TEAD1: variants seen among roughly 807,000 people sequenced by gnomAD.
TEAD1 encodes transcriptional enhancer factor TEF-1.
A neutral mutation model predicts 54.9 loss-of-function variants in TEAD1; 9 were observed. The observed-to-expected ratio is 0.16, with a 90% CI of 0.10 to 0.29. TEAD1 has a LOEUF of 0.29. Ranked by LOEUF, TEAD1 falls within the 10% of genes least tolerant of loss-of-function variation. The pLI is 1.00. For missense variants in TEAD1, 387 were observed against 535.9 expected (o/e 0.72, Z 2.74); for synonymous variants, 200 against 187.8 (o/e 1.07, Z -0.53).
chr11:12,936,695 G>A (rs563523387), intron 12 of TEAD1, among the ~76,000 whole-genome samples: 5 of 152,272 alleles, frequency 3.3e-5, no homozygotes, highest in Middle Eastern at 3.4e-3. Context: ...ATTCTTTTAG[G>A]TAGGGACTGG....
intron 3 of TEAD1, among the ~76,000 whole-genome samples, chr11:12,833,077 ATAGT>A (rs1564956525): frequency 3.9e-5 from 6 of 152,252 alleles, no homozygotes; most frequent in South Asian, 2.1e-4. Flanking sequence ...ATCTGATGAC[ATAGT>A]TAGTTCTTGT....
intron 9 of TEAD1, among the ~76,000 whole-genome samples, chr11:12,885,472 T>C (rs759267418): frequency 3.9e-5 from 6 of 151,932 alleles, no homozygotes; most frequent in Non-Finnish European, 8.8e-5. Context: ...CTCCTGACCT[T>C]GTGATCTGCC....
At chr11:12,679,091 A>G (rs1943160797) in intron 2 of TEAD1, among the ~76,000 whole-genome samples, 1 of 151,714 alleles carries the variant, frequency 6.6e-6, no homozygotes, top group Non-Finnish European at 1.5e-5. Context: ...TAACTGTGAA[A>G]CTCACTCGTT....
At chr11:12,814,435 C>G (rs1246364099) in intron 3 of TEAD1, among the ~76,000 whole-genome samples, 2 of 152,104 alleles carry the variant, frequency 1.3e-5, no homozygotes, top group Admixed American at 6.5e-5. Flanking sequence ...CCCCTCAGGC[C>G]CCCGCTGGCC....
chr11:12,777,180 G>T (rs1029651831), intron 3 of TEAD1, among the ~76,000 whole-genome samples: 1 of 152,042 alleles, frequency 6.6e-6, no homozygotes, highest in African/African-American at 2.4e-5. Context: ...GTGTGATAGC[G>T]AAACCTGCTG....
intron 3 of TEAD1, among the ~76,000 whole-genome samples, chr11:12,764,889 T>G (rs1261004715): frequency 6.7e-6 from 1 of 149,576 alleles, no homozygotes; most frequent in African/African-American, 2.5e-5. Context: ...GCATTCTAGA[T>G]GCTTATATGA....
chr11:12,819,483 T>G (rs933427293), intron 3 of TEAD1, among the ~76,000 whole-genome samples: 1 of 152,160 alleles, frequency 6.6e-6, no homozygotes, highest in Non-Finnish European at 1.5e-5. Context: ...GGAGTCTCGC[T>G]CTGTCACCCA....
intron 2 of TEAD1, among the ~76,000 whole-genome samples, chr11:12,697,627 T>C (rs993655854): frequency 6.6e-6 from 1 of 152,226 alleles, no homozygotes; most frequent in South Asian, 2.1e-4. Flanking sequence ...TTACTTGTTT[T>C]GTTGGTGAAG....
chr11:12,727,709 TGAATTACA>T (rs1944341785), intron 2 of TEAD1, among the ~76,000 whole-genome samples: 1 of 152,130 alleles, frequency 6.6e-6, no homozygotes, highest in Non-Finnish European at 1.5e-5. Context: ...CAGCACAGAA[TGAATTACA>T]GAGTGGGAGT....
At chr11:12,710,269 A>T (rs1943907211) in intron 2 of TEAD1, among the ~76,000 whole-genome samples, 1 of 152,150 alleles carries the variant, frequency 6.6e-6, no homozygotes, top group Non-Finnish European at 1.5e-5. Context: ...GGCTGCAGTG[A>T]GCCGTGATCA....
chr11:12,722,974 A>G (rs1036082072), intron 2 of TEAD1, among the ~76,000 whole-genome samples: 2 of 147,396 alleles, frequency 1.4e-5, no homozygotes, highest in Admixed American at 6.8e-5. Flanking sequence ...GGACATCTAG[A>G]TTTTTTTTTT....
chr11:12,750,570 C>G (rs1004393207), intron 2 of TEAD1, among the ~76,000 whole-genome samples: 8 of 151,946 alleles, frequency 5.3e-5, no homozygotes, highest in Non-Finnish European at 1.0e-4. Flanking sequence ...CAGACAGACA[C>G]ACACACGTAC....
intron 2 of TEAD1, among the ~76,000 whole-genome samples, chr11:12,708,760 A>G (rs1943870906): frequency 6.6e-6 from 1 of 152,226 alleles, no homozygotes; most frequent in South Asian, 2.1e-4. Context: ...GGAATATTAT[A>G]AAGCTGCTGA....
intron 9 of TEAD1, among the ~76,000 whole-genome samples, chr11:12,884,277 T>C (rs985617220): frequency 6.6e-6 from 1 of 152,122 alleles, no homozygotes; most frequent in Non-Finnish European, 1.5e-5. Flanking sequence ...GTTGCATCTG[T>C]GTGTGGGTGA....
intron 3 of TEAD1, among the ~76,000 whole-genome samples, chr11:12,829,070 G>C (rs1391036576): frequency 1.3e-5 from 2 of 152,048 alleles, no homozygotes; most frequent in Admixed American, 6.6e-5. Context: ...AAGAGCCATC[G>C]GTTTGTTATT....
chr11:12,693,109 T>G (rs1590057693), intron 2 of TEAD1, among the ~76,000 whole-genome samples: 1 of 152,238 alleles, frequency 6.6e-6, no homozygotes, highest in African/African-American at 2.4e-5. Context: ...GACCTCTTTG[T>G]GATGAATAAA....
At chr11:12,707,114 CTTTT>C (rs11366620) in intron 2 of TEAD1, among the ~76,000 whole-genome samples, 2 of 76,280 alleles carry the variant, frequency 2.6e-5, no homozygotes, top group African/African-American at 5.2e-5. Context: ...ACTTGTGGGA[CTTTT>C]TTTTTTTTTT....
intron 3 of TEAD1, chr11:12,851,040 T>C (rs1947263127): frequency 3.1e-6 from 3 of 979,218 alleles, no homozygotes; most frequent in Non-Finnish European, 3.6e-6. Context: ...ATTTTCATAA[T>C]CTTTTTCTAG....
intron 2 of TEAD1, among the ~76,000 whole-genome samples, chr11:12,730,587 A>C (rs1020588743): frequency 1.3e-5 from 2 of 151,346 alleles, no homozygotes; most frequent in African/African-American, 4.8e-5. Flanking sequence ...GTGCTGAAGG[A>C]ATTGGAGTAT....
Sources: allele counts gnomAD v4.1 joint callset (sites outside exome capture counted in the v4.1 genomes callset), GRCh38; gene constraint gnomAD v4.1.1; transcripts MANE v1.5; gene names NCBI Gene and HGNC (gene_info 2026-07-23, HGNC 2026-07-21).